The following BMAL1 variants were observed in gnomAD, a reference collection of about 807,000 sequenced individuals.
BMAL1 encodes the protein basic helix-loop-helix ARNT like 1.
the BMAL1 span, among the ~76,000 whole-genome samples, chr11:13,310,506 C>T: frequency 3.9e-5 from 6 of 152,162 alleles, no homozygotes; most frequent in Admixed American, 1.3e-4. Context: ...GATCTGCTGG[C>T]GTCTGATGAT....
the BMAL1 span, among the ~76,000 whole-genome samples, chr11:13,381,859 G>A: frequency 6.6e-6 from 1 of 152,184 alleles, no homozygotes; most frequent in Non-Finnish European, 1.5e-5. Flanking sequence ...GAACTTATAA[G>A]CCTAGGCCCA....
the BMAL1 span, among the ~76,000 whole-genome samples, chr11:13,373,529 A>G: frequency 2.6e-5 from 4 of 152,208 alleles, no homozygotes; most frequent in East Asian, 7.7e-4. Context: ...TTAAAGACAG[A>G]TCTCAGTCTG....
chr11:13,359,908 C>CT, the BMAL1 span, among the ~76,000 whole-genome samples: 1 of 152,106 alleles, frequency 6.6e-6, no homozygotes, highest in Non-Finnish European at 1.5e-5. Context: ...TACTCAGGGC[C>CT]TGGAAGACTG....
the BMAL1 span, among the ~76,000 whole-genome samples, chr11:13,337,731 T>C: frequency 6.6e-6 from 1 of 152,250 alleles, no homozygotes; most frequent in Admixed American, 6.5e-5. Context: ...GTTTCATCTT[T>C]TGGGGTTTCC....
At chr11:13,287,178 CAG>C in the BMAL1 span, among the ~76,000 whole-genome samples, 1 of 152,168 alleles carries the variant, frequency 6.6e-6, no homozygotes, top group South Asian at 2.1e-4. Context: ...ACGTTAGTGG[CAG>C]AGCTCAACTG....
the BMAL1 span, among the ~76,000 whole-genome samples, chr11:13,355,881 T>C: frequency 6.6e-6 from 1 of 152,126 alleles, no homozygotes; most frequent in African/African-American, 2.4e-5. Flanking sequence ...TGGGATTACA[T>C]TGTTTGAAGG....
the BMAL1 span, among the ~76,000 whole-genome samples, chr11:13,326,102 C>A: frequency 6.6e-6 from 1 of 151,568 alleles, no homozygotes; most frequent in African/African-American, 2.4e-5. Flanking sequence ...ACTCGGGAGG[C>A]TGAGGCAGGA....
the BMAL1 span, chr11:13,376,617 C>T: frequency 6.2e-7 from 1 of 1,612,960 alleles, no homozygotes; most frequent in East Asian, 2.2e-5. Flanking sequence ...ACTCACGTTT[C>T]CTTATTGCTG....
the BMAL1 span, among the ~76,000 whole-genome samples, chr11:13,376,305 C>G: frequency 1.3e-5 from 2 of 152,204 alleles, no homozygotes; most frequent in African/African-American, 4.8e-5. Flanking sequence ...CAAAACCCCA[C>G]CTATGGTAAG....
the BMAL1 span, among the ~76,000 whole-genome samples, chr11:13,332,039 A>G: frequency 2.0e-5 from 3 of 152,128 alleles, no homozygotes; most frequent in Non-Finnish European, 2.9e-5. Context: ...GATGAGGAAG[A>G]CGTACTAGGA....
the BMAL1 span, among the ~76,000 whole-genome samples, chr11:13,305,099 A>G: frequency 1.3e-5 from 2 of 152,262 alleles, no homozygotes; most frequent in South Asian, 2.1e-4. Context: ...CAAGGCTGAA[A>G]CTGGAGATGG....
chr11:13,385,110 A>G, the BMAL1 span, among the ~76,000 whole-genome samples: 1 of 152,138 alleles, frequency 6.6e-6, no homozygotes, highest in Non-Finnish European at 1.5e-5. Flanking sequence ...CAGCCAGGGG[A>G]AGGCAGCTGG....
chr11:13,308,517 G>C, the BMAL1 span, among the ~76,000 whole-genome samples: 5 of 152,140 alleles, frequency 3.3e-5, no homozygotes, highest in African/African-American at 4.8e-5. Context: ...GGGAGATGAG[G>C]GAGAATAAGC....
At chr11:13,324,181 T>C in the BMAL1 span, among the ~76,000 whole-genome samples, 16 of 152,326 alleles carry the variant, frequency 1.1e-4, no homozygotes, top group African/African-American at 3.8e-4. Context: ...GCAGGTCTCT[T>C]GTCAGTTTGC....
At chr11:13,363,678 A>C in the BMAL1 span, among the ~76,000 whole-genome samples, 1 of 152,264 alleles carries the variant, frequency 6.6e-6, no homozygotes, top group African/African-American at 2.4e-5. Context: ...CAACTGTATC[A>C]GTTTACAATG....
chr11:13,311,115 A>C, the BMAL1 span, among the ~76,000 whole-genome samples: 5 of 152,252 alleles, frequency 3.3e-5, no homozygotes, highest in African/African-American at 1.2e-4. Flanking sequence ...TTGGGGGTGG[A>C]AAGGATAGCT....
chr11:13,285,997 A>G, the BMAL1 span, among the ~76,000 whole-genome samples: 1 of 152,218 alleles, frequency 6.6e-6, no homozygotes, highest in Non-Finnish European at 1.5e-5. Flanking sequence ...CATGTGCACA[A>G]CCATCTTAAA....
At chr11:13,370,840 C>G in the BMAL1 span, among the ~76,000 whole-genome samples, 1 of 152,180 alleles carries the variant, frequency 6.6e-6, no homozygotes, top group African/African-American at 2.4e-5. Flanking sequence ...AGCCCCCGAC[C>G]CTGCCACTAA....
At chr11:13,342,039 C>T in the BMAL1 span, among the ~76,000 whole-genome samples, 10 of 152,160 alleles carry the variant, frequency 6.6e-5, no homozygotes, top group South Asian at 2.1e-4. Context: ...TGCTGGGTGC[C>T]GGAGTGCAGA....
Sources: gnomAD v4.1 joint callset for allele counts (sites outside exome capture counted in the v4.1 genomes callset) on GRCh38, gnomAD v4.1.1 for gene constraint, MANE v1.5 for transcripts, NCBI Gene and HGNC (gene_info 2026-07-23, HGNC 2026-07-21) for gene names.